The following DLC1 variants were observed in gnomAD, a reference collection of about 807,000 sequenced individuals.
The protein encoded by DLC1 is rho GTPase-activating protein 7.
A neutral mutation model predicts 140.3 loss-of-function variants in DLC1; 54 were observed. The observed-to-expected ratio is 0.38, with a 90% CI of 0.31 to 0.48. The LOEUF is 0.48. Among genes scored for constraint, DLC1 ranks in the 20% least tolerant of loss-of-function variants. DLC1 has a pLI of 0.96. For synonymous variants in DLC1, 986 were observed against 728.1 expected (o/e 1.35, Z -5.70); for missense variants, 2,536 against 1,907.0 (o/e 1.33, Z -6.14).
At chr8:13,406,929 C>G (rs1837591981) in intron 2 of DLC1, among the ~76,000 whole-genome samples, 1 of 152,186 alleles carries the variant, frequency 6.6e-6, no homozygotes, top group African/African-American at 2.4e-5. Flanking sequence ...TGATGTATGT[C>G]TCTTTTTCCC....
intron 2 of DLC1, among the ~76,000 whole-genome samples, chr8:13,417,410 C>T (rs1331475578): frequency 7.5e-6 from 1 of 133,920 alleles, no homozygotes; most frequent in African/African-American, 2.8e-5. Context: ...CTTCCTGTGT[C>T]CATGTGTTCT....
intron 5 of DLC1, among the ~76,000 whole-genome samples, chr8:13,246,260 A>T (rs995749704): frequency 6.6e-6 from 1 of 152,186 alleles, no homozygotes; most frequent in Non-Finnish European, 1.5e-5. Context: ...TTTGGAGGAA[A>T]ATTACTTTGA....
chr8:13,520,965 G>T (rs1471502867), intron 1 of DLC1, among the ~76,000 whole-genome samples: 4 of 152,116 alleles, frequency 2.6e-5, no homozygotes, highest in Non-Finnish European at 5.9e-5. Context: ...TATATCTTTA[G>T]TATGTTCAAG....
At chr8:13,141,485 T>A (rs1822989529) in intron 5 of DLC1, among the ~76,000 whole-genome samples, 1 of 152,138 alleles carries the variant, frequency 6.6e-6, no homozygotes, top group Non-Finnish European at 1.5e-5. Flanking sequence ...TTTCACCTTG[T>A]CAGTAAAAAA....
At position 13,499,762 on chromosome 8, in the gene DLC1, T is replaced by A; in HGVS notation, c.310A>T (p.Thr104Ser). Residue 104 changes from threonine to serine, a missense_variant, in exon 2 of 18, where the codon ACA becomes TCA. Physicochemically the swap from Thr to Ser is moderately conservative, Grantham distance 58. Transcript: ENST00000276297. ...TCAGAAACATGCACTAGTGTTTCTG[T>A]GCTGGCTTCCAGAGAAAGAAACTGA... is the stretch of plus-strand genomic sequence containing the variant. ...EDQFLSLEAS[T>S]ETLVHVSDED... The A allele has an allele frequency of 6.2e-7, 1 of 1,614,106 alleles. No individual in the cohort carries two copies. Among genetic ancestry groups the A allele is most frequent in the Non-Finnish European group, 8.5e-7 (1 of 1,180,014 alleles).
chr8:13,261,508 A>C (rs1274788501), intron 5 of DLC1, among the ~76,000 whole-genome samples: 3 of 152,142 alleles, frequency 2.0e-5, no homozygotes, highest in Admixed American at 1.3e-4. Context: ...GTTTATAAAT[A>C]TCACTCTGGT....
intron 7 of DLC1, among the ~76,000 whole-genome samples, chr8:13,110,018 T>G (rs1370757085): frequency 6.6e-6 from 1 of 152,208 alleles, no homozygotes; most frequent in African/African-American, 2.4e-5. Context: ...CCCCCAGAAT[T>G]CAGCTTTTAG....
chr8:13,590,733 T>C (rs1014106784), intron 1 of DLC1, among the ~76,000 whole-genome samples: 1 of 152,136 alleles, frequency 6.6e-6, no homozygotes, highest in Admixed American at 6.6e-5. Flanking sequence ...GCAGTGATTT[T>C]AAATAGCTTC....
chr8:13,451,818 G>A (rs1799072179), intron 2 of DLC1, among the ~76,000 whole-genome samples: 1 of 152,164 alleles, frequency 6.6e-6, no homozygotes, highest in Admixed American at 6.5e-5. Flanking sequence ...GAACAGTGCT[G>A]CAACAAATAT....
chr8:13,105,432 T>G (rs749060699), intron 7 of DLC1, among the ~76,000 whole-genome samples: 1 of 152,152 alleles, frequency 6.6e-6, no homozygotes, highest in Non-Finnish European at 1.5e-5. Context: ...ATATATGACT[T>G]CATCTTCCCA....
intron 2 of DLC1, among the ~76,000 whole-genome samples, chr8:13,434,200 G>A (rs766590377): frequency 1.1e-4 from 17 of 152,104 alleles, no homozygotes; most frequent in Admixed American, 5.2e-4. Context: ...GTTGGCAATA[G>A]AACAAACTCC....
intron 5 of DLC1, among the ~76,000 whole-genome samples, chr8:13,225,815 C>T (rs1203187723): frequency 6.6e-6 from 1 of 152,060 alleles, no homozygotes; most frequent in Non-Finnish European, 1.5e-5. Flanking sequence ...TGGGGTTTCA[C>T]CGTGTTAGTC....
At chr8:13,602,086 T>C (rs1477563450) in intron 1 of DLC1, among the ~76,000 whole-genome samples, 2 of 151,802 alleles carry the variant, frequency 1.3e-5, no homozygotes, top group African/African-American at 4.8e-5. Context: ...AAATCATGAA[T>C]CTGAGCAATT....
chr8:13,345,547 C>CT (rs535092622), intron 4 of DLC1, among the ~76,000 whole-genome samples: 1,452 of 67,408 alleles, frequency 0.022, 142 homozygotes, highest in African/African-American at 0.085. Flanking sequence ...TTCACTCACA[C>CT]TTTTTTTTTT....
chr8:13,476,333 A>G (rs1221101607), intron 2 of DLC1, among the ~76,000 whole-genome samples: 2 of 152,216 alleles, frequency 1.3e-5, no homozygotes, highest in Non-Finnish European at 1.5e-5. Flanking sequence ...TGAGGTTTTG[A>G]AAGTATTAGG....
intron 4 of DLC1, among the ~76,000 whole-genome samples, chr8:13,347,688 A>G (rs1249071223): frequency 6.6e-6 from 1 of 152,210 alleles, no homozygotes; most frequent in African/African-American, 2.4e-5. Flanking sequence ...AAATTGGGAA[A>G]GATGGACAGG....
upstream of DLC1, among the ~76,000 whole-genome samples, chr8:13,517,069 A>G (rs1199213239): frequency 6.6e-6 from 1 of 152,224 alleles, no homozygotes; most frequent in Non-Finnish European, 1.5e-5. Flanking sequence ...GGAAAGCAGG[A>G]TGAAATTTAT....
At chr8:13,247,510 A>G (rs2117268718) in intron 5 of DLC1, among the ~76,000 whole-genome samples, 1 of 152,278 alleles carries the variant, frequency 6.6e-6, no homozygotes, top group South Asian at 2.1e-4. Context: ...ATGTATTCAT[A>G]TCCTTTCCAT....
intron 2 of DLC1, among the ~76,000 whole-genome samples, chr8:13,467,390 C>G (rs562227682): frequency 6.6e-6 from 1 of 152,164 alleles, no homozygotes; most frequent in East Asian, 1.9e-4. Context: ...CTCCCCTCCC[C>G]TCTCCTTTTT....
Sources: allele counts gnomAD v4.1 joint callset (sites outside exome capture counted in the v4.1 genomes callset), GRCh38; gene constraint gnomAD v4.1.1; transcripts MANE v1.5; gene names NCBI Gene and HGNC (gene_info 2026-07-23, HGNC 2026-07-21).